Variants in PCLAF observed in about 807,000 individuals in gnomAD.
The protein encoded by PCLAF is PCNA clamp associated factor.
PCLAF carries 12 observed loss-of-function variants against 15.1 expected under a neutral mutation model. The ratio of observed to expected loss-of-function variants is 0.79; its 90% confidence interval spans 0.51 to 1.29. PCLAF has a LOEUF of 1.29. Among genes scored for constraint, PCLAF ranks in the 50% most tolerant of loss-of-function variants. The pLI, the probability that PCLAF is intolerant of heterozygous loss-of-function variation, is 0.00. For missense variants in PCLAF, 116 were observed against 130.9 expected, an observed-to-expected ratio of 0.89 and a Z score of 0.56; for synonymous variants, 33 against 47.1, an observed-to-expected ratio of 0.70 and a Z score of 1.22.
intron 3 of PCLAF, among the ~76,000 whole-genome samples, chr15:64,366,855 C>A (rs1246679806): frequency 6.6e-6 from 1 of 151,994 alleles, no homozygotes; most frequent in Non-Finnish European, 1.5e-5. Context: ...TGCCTGTAAT[C>A]CCAGCTACTT....
chr15:64,387,577 T>C, exon 1 of PCLAF: 2 of 1,362,330 alleles, frequency 1.5e-6, no homozygotes, highest in East Asian at 7.1e-5. Context: ...GCACTTGCAC[T>C]GTCTTCTTAG....
At chr15:64,381,662 C>G (rs1374662933), upstream of PCLAF, among the ~76,000 whole-genome samples, 1 of 152,130 alleles carries the variant, frequency 6.6e-6, no homozygotes, top group Non-Finnish European at 1.5e-5. Flanking sequence ...CCAGGACTCT[C>G]CAGGGGTACC....
intron 3 of PCLAF, among the ~76,000 whole-genome samples, chr15:64,367,130 CA>C (rs1346259795): frequency 3.3e-5 from 5 of 149,782 alleles, no homozygotes; most frequent in African/African-American, 1.2e-4. Context: ...GTCAATAAAA[CA>C]AAAAAAGAAG....
At chr15:64,386,311 T>C (rs1485870871), upstream of PCLAF, among the ~76,000 whole-genome samples, 1 of 152,030 alleles carries the variant, frequency 6.6e-6, no homozygotes, top group East Asian at 1.9e-4. Context: ...TGTAAATCAA[T>C]ACACTTATGA....
At chr15:64,370,722 T>C (rs1899258313) in intron 3 of PCLAF, among the ~76,000 whole-genome samples, 1 of 151,842 alleles carries the variant, frequency 6.6e-6, no homozygotes. Context: ...TGTAAAAGTT[T>C]TACTTACCAG....
At chr15:64,367,021 C>G (rs941163498) in intron 3 of PCLAF, among the ~76,000 whole-genome samples, 4 of 151,676 alleles carry the variant, frequency 2.6e-5, no homozygotes, top group Non-Finnish European at 5.9e-5. Context: ...GTTTCAGCGA[C>G]TCAGGAGGCC....
Position 64,381,044 on chromosome 15 carries a change from A to G in PCLAF, c.47-6T>C. The G allele has an allele frequency of 1.9e-6, 3 of 1,613,928 alleles. No homozygotes were observed. The highest frequency in any genetic ancestry group is 2.5e-6 in the Non-Finnish European group (3 of 1,179,900). On this transcript the variant is annotated splice_polypyrimidine_tract_variant and splice_region_variant and intron_variant, in intron 1 of 3. Coordinates refer to ENST00000300035, the MANE Select transcript of PCLAF (RefSeq NM_014736.6). ...GGGGGCTCGAGCAGCCACCACTGTGAAGAGAGGCAAAAAAGGGTGTTCAGA... is the reference window on the plus strand; with the variant it reads ...GGGGGCTCGAGCAGCCACCACTGTGGAGAGAGGCAAAAAAGGGTGTTCAGA...
intron 3 of PCLAF, among the ~76,000 whole-genome samples, chr15:64,376,131 A>AGGAAAATTGCTTGAACCTGG: frequency 6.6e-6 from 1 of 152,146 alleles, no homozygotes; most frequent in East Asian, 1.9e-4. Flanking sequence ...AGGCTGAGGC[A>AGGAAAATTGCTTGAACCTGG]GGAAAATTGC....
rs996093618 is a variant in PCLAF, at chr15:64,364,455, T to A, written c.*1575A>T. Reference sequence around the variant, plus strand: ...TCTTCAATTATACCTCTGGTTATGTTGAAAAATGTCATAGTAGCTCTTAGG... The same window carrying A: ...TCTTCAATTATACCTCTGGTTATGTAGAAAAATGTCATAGTAGCTCTTAGG... On this transcript the variant is annotated 3_prime_UTR_variant, in exon 4 of 4. Transcript: ENST00000300035. 1.3e-5 allele frequency: 2 copies of A among 152,200 alleles called. No individual in the cohort carries two copies. Among genetic ancestry groups the A allele is most frequent in the African/African-American group, 4.8e-5 (2 of 41,462 alleles). The allele number at this position is 152,200 out of a possible 1,614,324, so 9.4% of individuals were successfully genotyped here. A position where few individuals can be genotyped will look rare whatever the true frequency, so the allele number is the denominator to read the frequency against.
intron 1 of PCLAF, among the ~76,000 whole-genome samples, chr15:64,386,619 AGT>A (rs35727456): frequency 2.8e-3 from 402 of 145,576 alleles, no homozygotes; most frequent in Middle Eastern, 3.5e-3. Context: ...CACCACGCCC[AGT>A]GTGTGTGTGT....
chr15:64,364,675 T>C lies in PCLAF; in HGVS notation c.*1355A>G. The C allele has an allele frequency of 6.6e-6, 1 of 150,720 alleles. No homozygotes were observed. The highest frequency in any genetic ancestry group is 1.5e-5 in the Non-Finnish European group (1 of 67,694). 9.3% of individuals were successfully genotyped at this position (150,720 alleles called of 1,614,324 possible). Reference sequence around the variant, plus strand: ...TTTATTGTTCATATATAAATATATATTTTTTTCTTTTCTTTCTTTTTTTTT... The same window carrying C: ...TTTATTGTTCATATATAAATATATACTTTTTTCTTTTCTTTCTTTTTTTTT... On this transcript the variant is annotated 3_prime_UTR_variant, in exon 4 of 4. Coordinates refer to ENST00000300035, the MANE Select transcript of PCLAF (RefSeq NM_014736.6).
At chr15:64,381,626 T>A (rs1056188678), upstream of PCLAF, 12 of 1,029,376 alleles carry the variant, frequency 1.2e-5, no homozygotes, top group Admixed American at 9.2e-5. Context: ...AGGCCTAGGA[T>A]TCGTAGGCGC....
In PCLAF at chr15:64,365,128, G is replaced by T. The variant is rs910835537; in HGVS notation, c.*902C>A. 6.7e-6 allele frequency: 1 copy of T among 148,432 alleles called. No homozygotes were observed. The highest frequency in any genetic ancestry group is 1.5e-5 in the Non-Finnish European group (1 of 67,630). The allele number at this position is 148,432 out of a possible 1,614,324, so 9.2% of individuals were successfully genotyped here. A position where few individuals can be genotyped will look rare whatever the true frequency, so the allele number is the denominator to read the frequency against. ...CGCCATTCTCCTGCCTCAGCCTCCC[G>T]AGTAGCTGGGACTACAGGCGCCCGC... On this transcript the variant is annotated 3_prime_UTR_variant, in exon 4 of 4. Coordinates refer to ENST00000300035, the MANE Select transcript of PCLAF (RefSeq NM_014736.6).
At chr15:64,387,279 G>A (rs2140539234) in intron 1 of PCLAF, among the ~76,000 whole-genome samples, 1 of 152,170 alleles carries the variant, frequency 6.6e-6, no homozygotes, top group East Asian at 1.9e-4. Context: ...CTACTTGGGA[G>A]GCTGAGGCAG....
At chr15:64,385,011 C>G (rs759410690), upstream of PCLAF, among the ~76,000 whole-genome samples, 1 of 151,872 alleles carries the variant, frequency 6.6e-6, no homozygotes, top group African/African-American at 2.4e-5. Context: ...TGATCCTCTT[C>G]CAAGTAGCTG....
In PCLAF at chr15:64,373,356, G is replaced by A. The variant is rs1023744808; in HGVS notation, c.290+3387C>T. Reference sequence around the variant, plus strand: ...CCAGTCCAGTTTGAGACTCTCAAGCGTTTCTCTGTTAATAAGGAGTGAAAT... The same window carrying A: ...CCAGTCCAGTTTGAGACTCTCAAGCATTTCTCTGTTAATAAGGAGTGAAAT... On this transcript the variant is annotated intron_variant, in intron 3 of 3. Transcript: ENST00000300035. The A allele has an allele frequency of 5.8e-5, 12 of 208,662 alleles. 1 individual carries two copies. Among genetic ancestry groups the A allele is most frequent in the African/African-American group, 2.5e-4 (11 of 43,684 alleles). The allele number at this position is 208,662 out of a possible 1,614,324, so 12.9% of individuals were successfully genotyped here.
chr15:64,378,955 C>T (rs957943857), intron 2 of PCLAF, among the ~76,000 whole-genome samples: 2 of 151,968 alleles, frequency 1.3e-5, no homozygotes, highest in Non-Finnish European at 2.9e-5. Context: ...AACCCAACTC[C>T]ACTGATTTAG....
intron 1 of PCLAF, among the ~76,000 whole-genome samples, chr15:64,386,686 C>T (rs944867543): frequency 1.3e-5 from 2 of 151,792 alleles, no homozygotes; most frequent in African/African-American, 2.4e-5. Flanking sequence ...GTGATCCTCC[C>T]GCCTCGGCCT....
chr15:64,367,990 T>C (rs1361888232), intron 3 of PCLAF, among the ~76,000 whole-genome samples: 1 of 152,058 alleles, frequency 6.6e-6, no homozygotes, highest in Non-Finnish European at 1.5e-5. Flanking sequence ...CAATCCTTGA[T>C]GGGCAGAACC....
Sources: allele counts gnomAD v4.1 joint callset (sites outside exome capture counted in the v4.1 genomes callset), GRCh38; gene constraint gnomAD v4.1.1; transcripts MANE v1.5; gene names NCBI Gene and HGNC (gene_info 2026-07-23, HGNC 2026-07-21).